Variants in RPS6KA2 observed in about 807,000 individuals in gnomAD.
The protein encoded by RPS6KA2 is ribosomal protein S6 kinase alpha-2.
A neutral mutation model predicts 91.8 loss-of-function variants in RPS6KA2; 42 were observed. That is an observed-to-expected ratio of 0.46 (90% CI 0.36 to 0.59). The LOEUF is 0.59. Ranked by LOEUF, RPS6KA2 falls within the 20% of genes least tolerant of loss-of-function variation. The pLI is 0.00. For missense variants in RPS6KA2, 798 were observed against 978.5 expected, an observed-to-expected ratio of 0.82 and a Z score of 2.46; for synonymous variants, 414 against 393.6, an observed-to-expected ratio of 1.05 and a Z score of -0.61.
chr6:166,853,074 A>G (rs1253534092), intron 2 of RPS6KA2, among the ~76,000 whole-genome samples: 2 of 152,252 alleles, frequency 1.3e-5, no homozygotes, highest in Non-Finnish European at 2.9e-5. Flanking sequence ...TGGTTTTATA[A>G]AGTTGACCTA....
At chr6:166,644,907 A>C (rs754868904) in intron 2 of RPS6KA2, among the ~76,000 whole-genome samples, 7 of 152,214 alleles carry the variant, frequency 4.6e-5, no homozygotes, top group Non-Finnish European at 1.0e-4. Flanking sequence ...CTGGTGAAGG[A>C]GGAAACAGAG....
intron 2 of RPS6KA2, among the ~76,000 whole-genome samples, chr6:166,655,352 G>A (rs1332598705): frequency 6.6e-6 from 1 of 152,236 alleles, no homozygotes; most frequent in Non-Finnish European, 1.5e-5. Context: ...TGATGTTGGT[G>A]ACAACGTGCA....
intron 1 of RPS6KA2, among the ~76,000 whole-genome samples, chr6:166,581,427 C>G (rs1583298405): frequency 6.6e-6 from 1 of 152,106 alleles, no homozygotes; most frequent in East Asian, 1.9e-4. Flanking sequence ...AGGGAGGGAA[C>G]TGACGCCCCG....
At chr6:166,629,492 CTTTG>C (rs1348479909), upstream of RPS6KA2, among the ~76,000 whole-genome samples, 2 of 152,206 alleles carry the variant, frequency 1.3e-5, no homozygotes, top group Non-Finnish European at 2.9e-5. Context: ...ATCTGTTTGC[CTTTG>C]TTTTTCTCCT....
chr6:166,827,274 A>ATG (rs1780072306), intron 2 of RPS6KA2, among the ~76,000 whole-genome samples: 1 of 149,972 alleles, frequency 6.7e-6, no homozygotes, highest in Admixed American at 6.6e-5. Context: ...AAAAAAAAAA[A>ATG]AAAAAAAAAA....
At chr6:166,768,192 C>T (rs748347670) in intron 2 of RPS6KA2, among the ~76,000 whole-genome samples, 1 of 152,128 alleles carries the variant, frequency 6.6e-6, no homozygotes, top group African/African-American at 2.4e-5. Context: ...CAGCAGTGGC[C>T]CTGGACAAGC....
intron 1 of RPS6KA2, among the ~76,000 whole-genome samples, chr6:166,579,924 T>C (rs1784953435): frequency 6.6e-6 from 1 of 152,236 alleles, no homozygotes; most frequent in Non-Finnish European, 1.5e-5. Context: ...AGTTCCTCTG[T>C]TATCCCAGCC....
At chr6:166,751,948 G>T (rs1791298976) in intron 2 of RPS6KA2, among the ~76,000 whole-genome samples, 1 of 152,022 alleles carries the variant, frequency 6.6e-6, no homozygotes, top group Non-Finnish European at 1.5e-5. Flanking sequence ...GAGCACAGAG[G>T]CCAGACTCCG....
intron 2 of RPS6KA2, among the ~76,000 whole-genome samples, chr6:166,691,876 C>A (rs1789214517): frequency 6.6e-6 from 1 of 152,082 alleles, no homozygotes; most frequent in African/African-American, 2.4e-5. Context: ...ATTGAAATGC[C>A]AGCAAAAGAA....
intron 2 of RPS6KA2, among the ~76,000 whole-genome samples, chr6:166,789,080 G>A (rs912015031): frequency 1.1e-4 from 16 of 152,180 alleles, no homozygotes; most frequent in African/African-American, 2.4e-4. Context: ...CTCGGGAAGT[G>A]CAAGGGGTCA....
rs71032809 is a variant in RPS6KA2 at position 166,517,455 on chromosome 6, G to GTTTTTTTT, written c.299-7106_299-7099dup. On this transcript the variant is annotated intron_variant, in intron 3 of 20. Coordinates refer to ENST00000265678, the MANE Select transcript of RPS6KA2 (RefSeq NM_021135.6). ...ACCACTTAAGGCGTTCTTTTGTTTT[G>GTTTTTTTT]TTTTTTTTTTTTTTTTTTTTTTTTT... Among the ~76,000 whole-genome samples the GTTTTTTTT allele has an allele frequency of 5.8e-4, 61 of 104,928 alleles. 4 individuals are homozygous for GTTTTTTTT. The highest frequency in any genetic ancestry group is 2.0e-3 in the African/African-American group (45 of 22,516). The allele number at this position is 104,928 out of a possible 152,430, so 68.8% of individuals were successfully genotyped here. A position where few individuals can be genotyped will look rare whatever the true frequency, so the allele number is the denominator to read the frequency against.
At chr6:166,548,986 A>C (rs1365766890) in intron 1 of RPS6KA2, among the ~76,000 whole-genome samples, 1 of 152,244 alleles carries the variant, frequency 6.6e-6, no homozygotes, top group African/African-American at 2.4e-5. Context: ...AGTCAATAGT[A>C]AAACAAAACA....
chr6:166,761,534 A>G (rs1437972327), intron 2 of RPS6KA2, among the ~76,000 whole-genome samples: 1 of 152,270 alleles, frequency 6.6e-6, no homozygotes, highest in Non-Finnish European at 1.5e-5. Context: ...TTCCAGCAGC[A>G]GAACCAAAAC....
chr6:166,594,529 C>T (rs1785469921), intron 1 of RPS6KA2, among the ~76,000 whole-genome samples: 1 of 152,076 alleles, frequency 6.6e-6, no homozygotes, highest in South Asian at 2.1e-4. Flanking sequence ...GTGGCGCAAT[C>T]TCGGCTCACT....
intron 5 of RPS6KA2, among the ~76,000 whole-genome samples, chr6:166,507,623 C>T (rs555599699): frequency 2.6e-5 from 4 of 151,518 alleles, no homozygotes; most frequent in South Asian, 2.1e-4. Flanking sequence ...ACACCACACA[C>T]CCCACACATA....
At chr6:166,859,450 T>C (rs748507426) in intron 1 of RPS6KA2, among the ~76,000 whole-genome samples, 1 of 152,244 alleles carries the variant, frequency 6.6e-6, no homozygotes, top group South Asian at 2.1e-4. Flanking sequence ...GCCTTCAACT[T>C]GCCAGAACAT....
At chr6:166,576,932 C>A in intron 1 of RPS6KA2, among the ~76,000 whole-genome samples, 1 of 150,302 alleles carries the variant, frequency 6.7e-6, no homozygotes, top group Non-Finnish European at 1.5e-5. Context: ...TGGGCTGGGT[C>A]CAGGGTCCCA....
intron 1 of RPS6KA2, among the ~76,000 whole-genome samples, chr6:166,567,961 C>T (rs565690010): frequency 1.3e-4 from 20 of 152,296 alleles, no homozygotes; most frequent in Admixed American, 5.2e-4. Flanking sequence ...TCCAAGGGCA[C>T]GCCAGTGCAG....
rs1785824921 is a variant in RPS6KA2, at chr6:166,603,489, A to G, written c.99+23432T>C. The stretch of plus-strand genomic sequence containing the variant: ...GATCTGAAAGGCTTCATTTGGCCTC[A>G]TAAATGGGATTAGCATGGGGGCAGC... On this transcript the variant is annotated intron_variant, in intron 1 of 20. Coordinates refer to ENST00000265678, the MANE Select transcript of RPS6KA2 (RefSeq NM_021135.6). The surrounding 1 kb of genome is among the most constrained non-coding windows in gnomAD (Gnocchi z 4.3). Among the ~76,000 whole-genome samples the G allele has an allele frequency of 6.6e-6, 1 of 152,180 alleles. No homozygotes were observed. The highest frequency in any genetic ancestry group is 1.5e-5 in the Non-Finnish European group (1 of 68,026).
Sources: allele counts gnomAD v4.1 joint callset (sites outside exome capture counted in the v4.1 genomes callset), GRCh38; gene constraint gnomAD v4.1.1; non-coding constraint Gnocchi (gnomAD v3.1); transcripts MANE v1.5; gene names NCBI Gene and HGNC (gene_info 2026-07-23, HGNC 2026-07-21).